Variants in FMNL2 observed in about 807,000 individuals in gnomAD.
The protein encoded by FMNL2 is formin-like protein 2.
In FMNL2, 51 loss-of-function variants were observed where a neutral mutation model predicts 130.2. The ratio of observed to expected loss-of-function variants is 0.39; its 90% CI spans 0.31 to 0.49. The LOEUF is 0.49. FMNL2 is among the 20% of genes least tolerant of loss of function. The pLI, the probability that FMNL2 is intolerant of heterozygous loss-of-function variation, is 0.85. For synonymous variants in FMNL2, 465 were observed against 467.1 expected, an observed-to-expected ratio of 1.00 and a Z score of 0.06; for missense variants, 977 against 1,316.2, an observed-to-expected ratio of 0.74 and a Z score of 3.99.
At chr2:152,447,248 G>A (rs1012723527) in intron 1 of FMNL2, among the ~76,000 whole-genome samples, 1 of 151,972 alleles carries the variant, frequency 6.6e-6, no homozygotes, top group Admixed American at 6.6e-5. Flanking sequence ...TTATAGGCAT[G>A]CACCACCACA....
At chr2:152,595,745 G>A (rs1697732867) in intron 9 of FMNL2, among the ~76,000 whole-genome samples, 2 of 152,078 alleles carry the variant, frequency 1.3e-5, no homozygotes, top group South Asian at 4.1e-4. Context: ...CCATGCGGAG[G>A]AGATCTCTTT....
At chr2:152,587,924 G>A (rs1303980701) in intron 9 of FMNL2, among the ~76,000 whole-genome samples, 2 of 152,232 alleles carry the variant, frequency 1.3e-5, no homozygotes, top group Non-Finnish European at 2.9e-5. Context: ...AAAGGTAATT[G>A]CAAGATGCTC....
intron 1 of FMNL2, among the ~76,000 whole-genome samples, chr2:152,471,524 G>C (rs1034512602): frequency 2.6e-5 from 4 of 152,180 alleles, no homozygotes; most frequent in Non-Finnish European, 5.9e-5. Context: ...ATAAGCAAAA[G>C]AATGAGCTCT....
chr2:152,485,751 T>C (rs1439758239), intron 1 of FMNL2, among the ~76,000 whole-genome samples: 2 of 152,300 alleles, frequency 1.3e-5, no homozygotes, highest in East Asian at 3.9e-4. Flanking sequence ...AGAAGGGTAT[T>C]GTTCTGTGCT....
At chr2:152,512,390 A>G (rs1169924414) in intron 1 of FMNL2, among the ~76,000 whole-genome samples, 2 of 152,148 alleles carry the variant, frequency 1.3e-5, no homozygotes, top group African/African-American at 4.8e-5. Context: ...TGGTTTTTCC[A>G]TCTATTAGAT....
chr2:152,557,652 A>G (rs1695300633), intron 4 of FMNL2, among the ~76,000 whole-genome samples: 2 of 152,248 alleles, frequency 1.3e-5, no homozygotes, highest in Admixed American at 6.5e-5. Context: ...TTTTAAGACA[A>G]AGACCTCAAG....
At chr2:152,527,164 G>C (rs529763521) in intron 2 of FMNL2, among the ~76,000 whole-genome samples, 2 of 152,222 alleles carry the variant, frequency 1.3e-5, no homozygotes, top group South Asian at 2.1e-4. Context: ...TAGCTCCTGA[G>C]TTTCCTGTTA....
intron 1 of FMNL2, among the ~76,000 whole-genome samples, chr2:152,380,643 C>T (rs1684409418): frequency 6.6e-6 from 1 of 152,208 alleles, no homozygotes; most frequent in Admixed American, 6.5e-5. Context: ...TAATGGATTA[C>T]TCGCTGTACC....
At chr2:152,389,815 G>C in intron 1 of FMNL2, 1 of 1,314,738 alleles carries the variant, frequency 7.6e-7, no homozygotes, top group Non-Finnish European at 1.1e-6. Flanking sequence ...CACTGCAGGA[G>C]AAGAGGGGAT....
At chr2:152,396,796 C>G (rs1035457042) in intron 1 of FMNL2, among the ~76,000 whole-genome samples, 4 of 152,190 alleles carry the variant, frequency 2.6e-5, no homozygotes, top group African/African-American at 9.7e-5. Flanking sequence ...TGACTTTCCA[C>G]TTGCCATTTA....
intron 1 of FMNL2, among the ~76,000 whole-genome samples, chr2:152,420,848 C>T (rs1240535759): frequency 6.6e-6 from 1 of 152,118 alleles, no homozygotes; most frequent in Non-Finnish European, 1.5e-5. Flanking sequence ...GACTGAGTTC[C>T]ACTCTGAATC....
At chr2:152,571,138 C>T (rs1005245378) in intron 6 of FMNL2, among the ~76,000 whole-genome samples, 4 of 152,086 alleles carry the variant, frequency 2.6e-5, no homozygotes, top group African/African-American at 9.7e-5. Flanking sequence ...GGCAGGATGG[C>T]GTTGGAGTGT....
chr2:152,388,704 G>A (rs949939074), intron 1 of FMNL2, among the ~76,000 whole-genome samples: 5 of 152,106 alleles, frequency 3.3e-5, no homozygotes, highest in African/African-American at 7.2e-5. Flanking sequence ...CTTTTAATTG[G>A]TGATTTTCTA....
At chr2:152,583,647 T>C (rs1407650339) in intron 9 of FMNL2, among the ~76,000 whole-genome samples, 1 of 152,168 alleles carries the variant, frequency 6.6e-6, no homozygotes, top group Non-Finnish European at 1.5e-5. Flanking sequence ...GGTATATGAT[T>C]GAATATGTGA....
At chr2:152,379,544 C>G (rs1684350217) in intron 1 of FMNL2, among the ~76,000 whole-genome samples, 1 of 152,124 alleles carries the variant, frequency 6.6e-6, no homozygotes, top group South Asian at 2.1e-4. Context: ...TTCAATTTTG[C>G]TTTAATTTGA....
intron 2 of FMNL2, among the ~76,000 whole-genome samples, chr2:152,522,776 C>G (rs933074790): frequency 4.6e-5 from 7 of 152,178 alleles, no homozygotes; most frequent in African/African-American, 1.7e-4. Flanking sequence ...ATTGCCCAGT[C>G]TCAGGTATGT....
intron 1 of FMNL2, among the ~76,000 whole-genome samples, chr2:152,472,393 G>T (rs977535537): frequency 2.0e-5 from 3 of 152,076 alleles, no homozygotes; most frequent in African/African-American, 7.2e-5. Context: ...TGATTGAAAA[G>T]CTTCAAAAAA....
intron 20 of FMNL2, among the ~76,000 whole-genome samples, chr2:152,631,211 C>A (rs891188914): frequency 1.3e-5 from 2 of 151,558 alleles, no homozygotes; most frequent in South Asian, 2.1e-4. Context: ...CATGGCGAAA[C>A]CCTGTCTCTA....
intron 1 of FMNL2, among the ~76,000 whole-genome samples, chr2:152,384,770 T>G (rs534446538): frequency 6.6e-6 from 1 of 152,304 alleles, no homozygotes; most frequent in East Asian, 1.9e-4. Flanking sequence ...TATTTTCAGC[T>G]AAGATTGGCC....
Sources: allele counts gnomAD v4.1 joint callset (sites outside exome capture counted in the v4.1 genomes callset), GRCh38; gene constraint gnomAD v4.1.1; transcripts MANE v1.5; gene names NCBI Gene and HGNC (gene_info 2026-07-23, HGNC 2026-07-21).